TOGARAM1: variants seen among roughly 807,000 people sequenced by gnomAD.
TOGARAM1 encodes the protein TOG array regulator of axonemal microtubules 1, also known as TOG array regulator of axonemal microtubules protein 1.
TOGARAM1 carries 100 observed loss-of-function variants against 166.6 expected under a neutral mutation model. The observed-to-expected ratio is 0.60, with a 90% CI of 0.51 to 0.71. The LOEUF is 0.71. Among genes scored for constraint, TOGARAM1 ranks in the 30% least tolerant of loss-of-function variants. The pLI, the probability that TOGARAM1 is intolerant of heterozygous loss-of-function variation, is 0.00. For synonymous variants in TOGARAM1, 758 were observed against 763.8 expected (o/e 0.99, Z 0.13); for missense variants, 2,029 against 2,102.7 (o/e 0.96, Z 0.69).
At chr14:44,965,728 C>T (rs1289344098) in intron 1 of TOGARAM1, among the ~76,000 whole-genome samples, 3 of 152,026 alleles carry the variant, frequency 2.0e-5, no homozygotes, top group Non-Finnish European at 4.4e-5. Context: ...GTATATTTTC[C>T]TCTTTAGAAT....
rs71412982 is a variant in TOGARAM1, at chr14:45,074,080, T to G, written c.*519T>G. 1 of 152,722 alleles carries G rather than the reference T, an allele frequency of 6.5e-6. No individual in the cohort carries two copies. The highest frequency in any genetic ancestry group is 2.1e-4 in the South Asian group (1 of 4,838). 9.5% of individuals were successfully genotyped at this position (152,722 alleles called of 1,614,324 possible). On this transcript the variant is annotated 3_prime_UTR_variant, in exon 20 of 20. Coordinates refer to ENST00000361462, the MANE Select transcript of TOGARAM1 (RefSeq NM_001308120.2). ...CAGTATTAGCTTGCTTTTGCTGCTG[T>G]GTTAATGTCATATATTTGCTTACCT...
chr14:45,067,724 A>T (rs2139004965), intron 17 of TOGARAM1, among the ~76,000 whole-genome samples: 1 of 152,256 alleles, frequency 6.6e-6, no homozygotes, highest in East Asian at 1.9e-4. Flanking sequence ...AGTAAAAATA[A>T]ATCTCTTGGG....
intron 3 of TOGARAM1, 106 bp from the exon 4 acceptor site, chr14:45,003,955 T>C: frequency 1.2e-6 from 1 of 807,622 alleles, no homozygotes; most frequent in Admixed American, 2.9e-5. Context: ...AAAATATACA[T>C]GCCAATTGGG....
At chr14:45,068,063 TTTTC>T (rs1883213801) in intron 17 of TOGARAM1, among the ~76,000 whole-genome samples, 1 of 152,164 alleles carries the variant, frequency 6.6e-6, no homozygotes, top group East Asian at 1.9e-4. Flanking sequence ...AAACAGAAAC[TTTTC>T]TAAGTTCTTA....
chr14:45,038,119 C>A (rs1177250481), intron 11 of TOGARAM1, among the ~76,000 whole-genome samples: 2 of 152,182 alleles, frequency 1.3e-5, no homozygotes, highest in Non-Finnish European at 2.9e-5. Context: ...GTTACTCGGG[C>A]TGGTTTCAAA....
At chr14:45,007,564 A>G (rs1284785493) in intron 5 of TOGARAM1, 1 of 152,078 alleles carries the variant, frequency 6.6e-6, no homozygotes, top group African/African-American at 2.4e-5. Context: ...TTGCTTTTAG[A>G]TATTCAACTT....
chr14:45,052,555 A>C lies in TOGARAM1; in HGVS notation c.4433A>C (p.Gln1478Pro). ...PYIKDSVRNL[Q>P]QKGLGEIPLD... ...ATTAAGGACTCTGTTAGAAACTTACAGCAAAAGGTATGTGGGAAAAGTTTG... is the reference window on the plus strand; with the variant it reads ...ATTAAGGACTCTGTTAGAAACTTACCGCAAAAGGTATGTGGGAAAAGTTTG... Residue 1478 changes from glutamine to proline, a missense_variant, in exon 15 of 20, where the codon CAG becomes CCG. Coordinates refer to ENST00000361462, the MANE Select transcript of TOGARAM1 (RefSeq NM_001308120.2). 1 of 1,594,184 alleles carries C rather than the reference A, an allele frequency of 6.3e-7. No individual in the cohort carries two copies. The highest frequency in any genetic ancestry group is 8.6e-7 in the Non-Finnish European group (1 of 1,168,180).
chr14:45,029,073 A>G (rs1055717881), intron 10 of TOGARAM1, among the ~76,000 whole-genome samples: 1 of 152,188 alleles, frequency 6.6e-6, no homozygotes, highest in Non-Finnish European at 1.5e-5. Context: ...TTTTATTTCC[A>G]TTATAATGCA....
chr14:45,003,189 A>T (rs1254303530), intron 3 of TOGARAM1, among the ~76,000 whole-genome samples: 1 of 152,148 alleles, frequency 6.6e-6, no homozygotes, highest in Non-Finnish European at 1.5e-5. Flanking sequence ...GTCAGATATG[A>T]ATTAAAAAAA....
At chr14:45,069,179 G>T (rs1293940333) in intron 18 of TOGARAM1, among the ~76,000 whole-genome samples, 1 of 151,948 alleles carries the variant, frequency 6.6e-6, no homozygotes, top group East Asian at 1.9e-4. Context: ...GACCATCCTG[G>T]CTAATATAGT....
In TOGARAM1 at chr14:44,964,444, T is replaced by G. The variant is rs1310775601; in HGVS notation, c.2023T>G (p.Ser675Ala). 1.9e-6 allele frequency: 3 copies of G among 1,591,944 alleles called. No homozygotes were observed. The highest frequency in any genetic ancestry group is 2.6e-6 in the Non-Finnish European group (3 of 1,168,652). Residue 675 changes from serine to alanine, a missense_variant, in exon 1 of 20, where the codon TCC becomes GCC. This residue lies in a region of TOGARAM1 where 1,453 missense variants were observed against 1,432.2 expected (regional missense o/e 1.01). Coordinates refer to ENST00000361462, the MANE Select transcript of TOGARAM1 (RefSeq NM_001308120.2). ...QPGIMGENQT[S>A]TSKDIEQFST... ...TGGAATCATGGGAGAAAACCAGACC[T>G]CCACTTCCAAGGATATAGAGCAGGT... is the stretch of plus-strand genomic sequence containing the variant.
chr14:45,035,727 A>G (rs942289386), intron 11 of TOGARAM1, among the ~76,000 whole-genome samples: 2 of 152,276 alleles, frequency 1.3e-5, no homozygotes, highest in Admixed American at 6.5e-5. Flanking sequence ...ACTGCAAACC[A>G]AAAAACAGTT....
At chr14:44,977,185 T>G (rs1298545448) in intron 1 of TOGARAM1, among the ~76,000 whole-genome samples, 2 of 152,018 alleles carry the variant, frequency 1.3e-5, no homozygotes, top group East Asian at 3.9e-4. Flanking sequence ...ATAAAATAAT[T>G]TGGGCCTTCT....
Position 45,046,542 on chromosome 14 carries a change from TA to T in TOGARAM1, c.4155-2del. On this transcript the variant is annotated splice_acceptor_variant, in intron 13 of 19. Transcript: ENST00000361462. LOFTEE classifies it high-confidence loss of function. ...TGTTTTAATTGATCATGTCTCCTTG[TA>T]GCCATTTACACATTGCTGTAAGAAG... 1 of 1,290,404 alleles carries T rather than the reference TA, an allele frequency of 7.7e-7. No individual in the cohort carries two copies. The highest frequency in any genetic ancestry group is 9.9e-7 in the Non-Finnish European group (1 of 1,008,780). The allele number at this position is 1,290,404 out of a possible 1,614,324, so 79.9% of individuals were successfully genotyped here.
In TOGARAM1 at chr14:45,054,497, G is replaced by A. The variant is rs761354434; in HGVS notation, c.4507G>A (p.Gly1503Arg). Reference sequence around the variant, plus strand: ...AAGACGATCTCATACTGGCAGTGTTGGAAATACAAGATCATCATCTGTTTC... The same window carrying A: ...AAGACGATCTCATACTGGCAGTGTTAGAAATACAAGATCATCATCTGTTTC... The part of the protein sequence containing the change: ...KGRRSHTGSV[G>R]NTRSSSVSRD... The change falls in exon 16 of 20, where the codon GGA (glycine) becomes AGA (arginine). Residue 1503 changes from glycine to arginine, a missense_variant. Physicochemically the swap from Gly to Arg is moderately radical, Grantham distance 125 (BLOSUM62 -2). This residue lies in a region of TOGARAM1 where 576 missense variants were observed against 670.5 expected (regional missense o/e 0.86). Coordinates refer to ENST00000361462, the MANE Select transcript of TOGARAM1 (RefSeq NM_001308120.2). The A allele has an allele frequency of 6.2e-7, 1 of 1,613,474 alleles. No homozygotes were observed. Among genetic ancestry groups the A allele is most frequent in the South Asian group, 1.1e-5 (1 of 91,000 alleles).
At chr14:45,020,489 A>T (rs1247336466) in intron 7 of TOGARAM1, among the ~76,000 whole-genome samples, 1 of 152,206 alleles carries the variant, frequency 6.6e-6, no homozygotes, top group Non-Finnish European at 1.5e-5. Flanking sequence ...GATACTGCCC[A>T]TGCCAGTACC....
chr14:45,022,460 T>C (rs1252612446), intron 7 of TOGARAM1, among the ~76,000 whole-genome samples: 1 of 151,408 alleles, frequency 6.6e-6, no homozygotes, highest in African/African-American at 2.4e-5. Context: ...AGGCCCTGAC[T>C]ATCTGCTTGA....
chr14:45,013,907 A>G (rs1879959401), intron 7 of TOGARAM1, among the ~76,000 whole-genome samples: 1 of 152,182 alleles, frequency 6.6e-6, no homozygotes, highest in African/African-American at 2.4e-5. Flanking sequence ...ATAGATTTTA[A>G]AAACCTGGAT....
chr14:45,030,421 TTGAA>T (rs1408115266), intron 10 of TOGARAM1, among the ~76,000 whole-genome samples: 4 of 152,178 alleles, frequency 2.6e-5, no homozygotes, highest in African/African-American at 9.7e-5. Flanking sequence ...TGTAGGGTTG[TTGAA>T]TGAATTAAAT....
Sources: gnomAD v4.1 joint callset for allele counts (sites outside exome capture counted in the v4.1 genomes callset) on GRCh38, gnomAD v4.1.1 for gene constraint, gnomAD v4.1.1 regional missense constraint, MANE v1.5 for transcripts, NCBI Gene and HGNC (gene_info 2026-07-23, HGNC 2026-07-21) for gene names.